KAT6B: variants seen among roughly 807,000 people sequenced by gnomAD.
The protein encoded by KAT6B is histone acetyltransferase KAT6B.
A neutral mutation model predicts 187.5 loss-of-function variants in KAT6B; 10 were observed. That is an observed-to-expected ratio of 0.05 (90% CI 0.03 to 0.09). The LOEUF (loss-of-function observed/expected upper bound fraction) is 0.09. Ranked by LOEUF, KAT6B falls within the 10% of genes least tolerant of loss-of-function variation. The pLI is 1.00. For missense variants in KAT6B, 1,952 were observed against 2,558.9 expected, an observed-to-expected ratio of 0.76 and a Z score of 5.12; for synonymous variants, 861 against 926.8, an observed-to-expected ratio of 0.93 and a Z score of 1.29.
chr10:74,849,691 G>A (rs907337062), intron 3 of KAT6B, among the ~76,000 whole-genome samples: 7 of 152,130 alleles, frequency 4.6e-5, no homozygotes, highest in Admixed American at 2.0e-4. Flanking sequence ...AATAACTAAC[G>A]TTTTGTAAGT....
chr10:74,932,019 T>C (rs1848919983), intron 3 of KAT6B, among the ~76,000 whole-genome samples: 1 of 152,232 alleles, frequency 6.6e-6, no homozygotes, highest in Non-Finnish European at 1.5e-5. Flanking sequence ...GCTGAAAGCA[T>C]GTTCTTGAAT....
intron 13 of KAT6B, among the ~76,000 whole-genome samples, chr10:75,000,591 G>A (rs754778501): frequency 6.6e-6 from 1 of 152,078 alleles, no homozygotes; most frequent in Non-Finnish European, 1.5e-5. Context: ...TTAGAGACCA[G>A]ATAAACTTGC....
intron 7 of KAT6B, among the ~76,000 whole-genome samples, chr10:74,974,956 A>C (rs374999795): frequency 6.6e-6 from 1 of 152,238 alleles, no homozygotes; most frequent in East Asian, 1.9e-4. Flanking sequence ...ATTAAAAATT[A>C]CTTTTAACTA....
intron 13 of KAT6B, among the ~76,000 whole-genome samples, chr10:75,015,650 C>G (rs911878470): frequency 2.0e-5 from 3 of 152,208 alleles, no homozygotes; most frequent in Non-Finnish European, 4.4e-5. Flanking sequence ...TGCCATAAAT[C>G]CCTGGCCTCG....
At chr10:74,883,817 T>G (rs1346333575) in intron 3 of KAT6B, among the ~76,000 whole-genome samples, 1 of 152,188 alleles carries the variant, frequency 6.6e-6, no homozygotes, top group Non-Finnish European at 1.5e-5. Flanking sequence ...TCTGTTTTGA[T>G]TTTTAAAAAG....
chr10:74,938,968 C>T (rs1360559315), intron 3 of KAT6B, among the ~76,000 whole-genome samples: 1 of 151,916 alleles, frequency 6.6e-6, no homozygotes, highest in African/African-American at 2.4e-5. Flanking sequence ...AACTCCTGAC[C>T]TCAGGTGATC....
chr10:74,967,849 G>C (rs753398869), intron 4 of KAT6B, among the ~76,000 whole-genome samples: 5 of 152,172 alleles, frequency 3.3e-5, no homozygotes, highest in Non-Finnish European at 7.4e-5. Flanking sequence ...GCTGTAATAT[G>C]ATGTGAATTA....
chr10:75,025,343 C>T, intron 17 of KAT6B, 94 bp downstream of exon 17: 1 of 1,305,288 alleles, frequency 7.7e-7, no homozygotes, highest in Non-Finnish European at 1.1e-6. Flanking sequence ...CCCAGAGGCA[C>T]CTGCGAAGTG....
intron 1 of KAT6B, among the ~76,000 whole-genome samples, chr10:74,835,361 ACTT>A (rs1253823882): frequency 6.6e-6 from 1 of 151,892 alleles, no homozygotes; most frequent in Admixed American, 6.6e-5. Context: ...TTGTTTCCAG[ACTT>A]CTTCCTTCTG....
intron 6 of KAT6B, among the ~76,000 whole-genome samples, chr10:74,972,224 A>G (rs900052217): frequency 3.3e-5 from 5 of 152,000 alleles, no homozygotes; most frequent in African/African-American, 1.2e-4. Flanking sequence ...GCGAGTTTTC[A>G]TGTGTGTTTA....
rs181360267 is a variant in KAT6B at position 75,013,403 on chromosome 10, G to A, written c.2630-7179G>A. On this transcript the variant is annotated intron_variant, in intron 13 of 17. Coordinates refer to ENST00000287239, the MANE Select transcript of KAT6B (RefSeq NM_012330.4). ...TCTTTAATTCAATTGATATCTGGGTGGTTAGCTGGGGGGAGGGGAGAGGAA... is the reference window on the plus strand; with the variant it reads ...TCTTTAATTCAATTGATATCTGGGTAGTTAGCTGGGGGGAGGGGAGAGGAA... Among the ~76,000 whole-genome samples, 240 of 151,910 alleles carry A rather than the reference G, an allele frequency of 1.6e-3. 2 individuals carry two copies. The highest frequency in any genetic ancestry group is 5.4e-3 in the African/African-American group (225 of 41,420).
intron 3 of KAT6B, among the ~76,000 whole-genome samples, chr10:74,912,632 A>C (rs988234036): frequency 2.0e-5 from 3 of 152,240 alleles, no homozygotes; most frequent in African/African-American, 4.8e-5. Flanking sequence ...AACATCAGTT[A>C]TAACAGCTGT....
At chr10:74,910,128 A>T (rs928856983) in intron 3 of KAT6B, among the ~76,000 whole-genome samples, 3 of 99,616 alleles carry the variant, frequency 3.0e-5, no homozygotes, top group East Asian at 2.3e-4. Context: ...CATCTCTACT[A>T]AAAAAAAAAA....
intron 3 of KAT6B, among the ~76,000 whole-genome samples, chr10:74,951,277 G>A (rs1026318259): frequency 4.0e-5 from 6 of 151,638 alleles, no homozygotes; most frequent in African/African-American, 2.4e-5. Context: ...CTACAGGTGC[G>A]CACCACCATG....
At chr10:74,952,846 A>ATTTT (rs34687036) in intron 3 of KAT6B, among the ~76,000 whole-genome samples, 9 of 90,532 alleles carry the variant, frequency 9.9e-5, no homozygotes, top group African/African-American at 2.4e-4. Context: ...TGCCTGGCTA[A>ATTTT]TTTTTTTTTT....
intron 13 of KAT6B, among the ~76,000 whole-genome samples, chr10:75,009,590 A>G (rs1165511251): frequency 2.0e-5 from 3 of 152,152 alleles, no homozygotes; most frequent in East Asian, 1.9e-4. Flanking sequence ...GTCATCTACA[A>G]CCTAAGAGGT....
At chr10:74,860,981 T>C (rs1207078674) in intron 3 of KAT6B, among the ~76,000 whole-genome samples, 2 of 151,990 alleles carry the variant, frequency 1.3e-5, no homozygotes, top group African/African-American at 4.8e-5. Context: ...CTACTAAAAA[T>C]GCAAAATTAG....
chr10:74,973,018 A>C (rs780481048), intron 7 of KAT6B, among the ~76,000 whole-genome samples: 2 of 152,184 alleles, frequency 1.3e-5, no homozygotes, highest in Non-Finnish European at 2.9e-5. Flanking sequence ...GTCTATAGCA[A>C]ATCTCTTTTG....
intron 3 of KAT6B, among the ~76,000 whole-genome samples, chr10:74,920,490 G>A (rs557677515): frequency 5.9e-5 from 9 of 152,074 alleles, no homozygotes; most frequent in Non-Finnish European, 1.2e-4. Flanking sequence ...TTAGCTCTTT[G>A]AATTACCTAT....
Sources: gnomAD v4.1 joint callset for allele counts (sites outside exome capture counted in the v4.1 genomes callset) on GRCh38, gnomAD v4.1.1 for gene constraint, MANE v1.5 for transcripts, NCBI Gene and HGNC (gene_info 2026-07-23, HGNC 2026-07-21) for gene names.